Variants in DLG2 observed in about 807,000 individuals in gnomAD.
DLG2 encodes discs large MAGUK scaffold protein 2.
A neutral mutation model predicts 132.5 loss-of-function variants in DLG2; 45 were observed. The observed-to-expected ratio is 0.34, with a 90% CI of 0.27 to 0.44. The LOEUF is 0.44. Among genes scored for constraint, DLG2 ranks in the 20% least tolerant of loss-of-function variants. The pLI is 1.00. For synonymous variants in DLG2, 424 were observed against 419.6 expected, an observed-to-expected ratio of 1.01 and a Z score of -0.13; for missense variants, 1,045 against 1,196.9, an observed-to-expected ratio of 0.87 and a Z score of 1.87.
chr11:84,270,183 A>G (rs1320493648), intron 7 of DLG2, among the ~76,000 whole-genome samples: 1 of 152,238 alleles, frequency 6.6e-6, no homozygotes, highest in Non-Finnish European at 1.5e-5. Flanking sequence ...TTATGCCTCC[A>G]ATGATGGAAC....
chr11:83,665,858 C>T, intron 18 of DLG2, among the ~76,000 whole-genome samples: 1 of 152,040 alleles, frequency 6.6e-6, no homozygotes, highest in East Asian at 1.9e-4. Flanking sequence ...TCTCTATCAG[C>T]TGTAGCAGTT....
intron 3 of DLG2, among the ~76,000 whole-genome samples, chr11:85,573,613 C>T (rs977948052): frequency 1.3e-5 from 2 of 152,130 alleles, no homozygotes; most frequent in African/African-American, 4.8e-5. Flanking sequence ...TTCTTGGTTC[C>T]TATTTTCTGA....
At chr11:85,406,810 T>G (rs1372152678) in intron 3 of DLG2, among the ~76,000 whole-genome samples, 1 of 151,666 alleles carries the variant, frequency 6.6e-6, no homozygotes, top group African/African-American at 2.4e-5. Flanking sequence ...CATTTTTCAG[T>G]GAAATATATA....
At chr11:85,032,359 G>A (rs575189) in intron 6 of DLG2, among the ~76,000 whole-genome samples, 108,484 of 152,116 alleles carry the variant, frequency 0.71, 39,674 homozygotes, top group East Asian at 0.94. Flanking sequence ...ATTATAAACA[G>A]TTTTTACAAA....
chr11:85,374,843 G>A (rs1292773639), intron 3 of DLG2, among the ~76,000 whole-genome samples: 1 of 151,926 alleles, frequency 6.6e-6, no homozygotes, highest in Non-Finnish European at 1.5e-5. Flanking sequence ...GAAAAAAACA[G>A]AAAATGTGAT....
intron 6 of DLG2, among the ~76,000 whole-genome samples, chr11:84,702,814 T>C (rs942433850): frequency 6.6e-6 from 1 of 151,692 alleles, no homozygotes; most frequent in African/African-American, 2.4e-5. Flanking sequence ...ATAAACTCCA[T>C]GAAGGAGGGA....
chr11:85,319,019 A>G (rs2080873956), intron 3 of DLG2, among the ~76,000 whole-genome samples: 1 of 151,946 alleles, frequency 6.6e-6, no homozygotes, highest in South Asian at 2.1e-4. Context: ...TTAAAACAAG[A>G]ACATCTCACA....
chr11:84,313,226 G>A (rs1021754981), intron 7 of DLG2, among the ~76,000 whole-genome samples: 3 of 150,530 alleles, frequency 2.0e-5, no homozygotes, highest in Non-Finnish European at 4.4e-5. Context: ...AGCAATTCTC[G>A]TGCCTCAGCC....
At chr11:85,076,608 T>C (rs1338512477) in intron 6 of DLG2, among the ~76,000 whole-genome samples, 2 of 151,986 alleles carry the variant, frequency 1.3e-5, no homozygotes, top group Admixed American at 6.6e-5. Context: ...TCACTGACGC[T>C]CAGCACCCTC....
intron 6 of DLG2, among the ~76,000 whole-genome samples, chr11:84,950,439 G>C (rs2154102365): frequency 6.6e-6 from 1 of 152,222 alleles, no homozygotes; most frequent in East Asian, 1.9e-4. Context: ...CTTATACAGT[G>C]ACAAAAATTC....
chr11:85,432,543 C>G (rs2091251421), intron 3 of DLG2, among the ~76,000 whole-genome samples: 1 of 151,772 alleles, frequency 6.6e-6, no homozygotes, highest in South Asian at 2.1e-4. Context: ...AAAAAATACA[C>G]AAGTATCAGT....
chr11:84,594,959 G>A (rs1345771097), intron 6 of DLG2, among the ~76,000 whole-genome samples: 1 of 152,140 alleles, frequency 6.6e-6, no homozygotes, highest in Non-Finnish European at 1.5e-5. Flanking sequence ...TATATCAACT[G>A]CTGCTATGAA....
chr11:83,895,030 T>A (rs2071187435), intron 15 of DLG2, among the ~76,000 whole-genome samples: 1 of 152,216 alleles, frequency 6.6e-6, no homozygotes, highest in Non-Finnish European at 1.5e-5. Context: ...AAAAATTTTC[T>A]TCTGGGCCTT....
Position 84,592,933 on chromosome 11 carries a change from T to TAAAAAAAA in DLG2, c.358-58210_358-58203dup, listed in dbSNP as rs61017970. 3.8e-4 allele frequency among the ~76,000 whole-genome samples: 7 copies of TAAAAAAAA among 18,198 alleles called. 2 individuals are homozygous for TAAAAAAAA. The highest frequency in any genetic ancestry group is 1.6e-3 in the African/African-American group (7 of 4,430). 11.9% of individuals were successfully genotyped at this position (18,198 alleles called of 152,430 possible). On this transcript the variant is annotated intron_variant, in intron 6 of 27. Coordinates refer to ENST00000376104, the MANE Select transcript of DLG2 (RefSeq NM_001142699.3). ...TAACACGGTGAAACCCTGTCTCTAC[T>TAAAAAAAA]AAAAAAAAAAAAAAAAAAAAAAAAA...
intron 4 of DLG2, among the ~76,000 whole-genome samples, chr11:85,245,998 T>C (rs187287806): frequency 6.6e-6 from 1 of 152,100 alleles, no homozygotes; most frequent in East Asian, 1.9e-4. Flanking sequence ...ATTTTTTAAA[T>C]TGCAACTCAC....
At chr11:85,220,637 A>AAAAATATATAT (rs371263007) in intron 4 of DLG2, among the ~76,000 whole-genome samples, 33 of 148,306 alleles carry the variant, frequency 2.2e-4, no homozygotes, top group East Asian at 1.4e-3. Flanking sequence ...TAGAAAAAAA[A>AAAAATATATAT]ATATATATAT....
chr11:83,594,723 T>C lies in DLG2; in HGVS notation c.1940+38488A>G, dbSNP rs543886840. Among the ~76,000 whole-genome samples, 10 of 152,310 alleles carry C rather than the reference T, an allele frequency of 6.6e-5. No individual in the cohort carries two copies. In the South Asian group the frequency reaches 2.1e-3, roughly 32 times the overall value. On this transcript the variant is annotated intron_variant, in intron 19 of 27. Coordinates refer to ENST00000376104, the MANE Select transcript of DLG2 (RefSeq NM_001142699.3). ...GGTGGCTTTGGGTTGCTTCTAATTC[T>C]TGAGCTGCCATGGGAATTGTGAAAT... is the stretch of plus-strand genomic sequence containing the variant.
chr11:85,324,561 G>C (rs1205874605), intron 3 of DLG2, among the ~76,000 whole-genome samples: 1 of 152,112 alleles, frequency 6.6e-6, no homozygotes, highest in Non-Finnish European at 1.5e-5. Flanking sequence ...CTAAAGAAAA[G>C]TAAAAGCTGA....
At chr11:84,166,521 GA>G (rs1296417767) in intron 8 of DLG2, among the ~76,000 whole-genome samples, 8 of 94,434 alleles carry the variant, frequency 8.5e-5, no homozygotes, top group Admixed American at 5.0e-4. Context: ...AAAAAAAAAA[GA>G]AAAGAAAGAA....
Sources: allele counts gnomAD v4.1 joint callset (sites outside exome capture counted in the v4.1 genomes callset), GRCh38; gene constraint gnomAD v4.1.1; transcripts MANE v1.5; gene names NCBI Gene and HGNC (gene_info 2026-07-23, HGNC 2026-07-21).